Variants in AFF3 observed in about 807,000 individuals in gnomAD.
The protein encoded by AFF3 is AF4/FMR2 family member 3.
In AFF3, 32 loss-of-function variants were observed where a neutral mutation model predicts 129.7. That is an observed-to-expected ratio of 0.25 (90% CI 0.19 to 0.33). AFF3 has a LOEUF of 0.33. Ranked by LOEUF, AFF3 falls within the 10% of genes least tolerant of loss-of-function variation. AFF3 has a pLI of 1.00. For missense variants in AFF3, 1,373 were observed against 1,592.0 expected, an observed-to-expected ratio of 0.86 and a Z score of 2.34; for synonymous variants, 644 against 635.4, an observed-to-expected ratio of 1.01 and a Z score of -0.20.
chr2:100,096,500 A>G (rs1205030853), intron 4 of AFF3, among the ~76,000 whole-genome samples: 1 of 151,932 alleles, frequency 6.6e-6, no homozygotes, highest in East Asian at 1.9e-4. Flanking sequence ...GGTGTCCCCA[A>G]AACAGGGAGA....
intron 1 of AFF3, among the ~76,000 whole-genome samples, chr2:100,132,483 A>T (rs564149017): frequency 2.1e-4 from 32 of 152,366 alleles, no homozygotes; most frequent in African/African-American, 7.5e-4. Flanking sequence ...AAAGATCAAT[A>T]AGATATAATA....
In AFF3 at chr2:100,107,177, C is replaced by T. The variant is rs1691340494; in HGVS notation, c.-144-1594G>A. ...GAGAATGAGGACTTTTGAGGAAACC[C>T]AAATAGTAGTTGCAGATCCTGTTTT... On this transcript the variant is annotated intron_variant, in intron 2 of 24. Coordinates refer to ENST00000672756, the MANE Select transcript of AFF3 (RefSeq NM_001386135.1). 13 of 985,194 alleles carry T rather than the reference C, an allele frequency of 1.3e-5. No individual in the cohort carries two copies. The South Asian group carries it at 4.7e-4, about 36-fold the overall frequency. The allele number at this position is 985,194 out of a possible 1,614,324, so 61.0% of individuals were successfully genotyped here.
intron 7 of AFF3, among the ~76,000 whole-genome samples, chr2:99,962,106 C>A (rs950580430): frequency 1.3e-5 from 2 of 152,170 alleles, no homozygotes; most frequent in African/African-American, 4.8e-5. Context: ...CCAGGAAGCA[C>A]TCTTTATCCA....
intron 7 of AFF3, among the ~76,000 whole-genome samples, chr2:99,838,073 C>A (rs893792873): frequency 2.0e-5 from 3 of 152,174 alleles, no homozygotes; most frequent in African/African-American, 7.2e-5. Context: ...GCATGTGGGG[C>A]GTCACGCTCA....
At chr2:99,674,351 G>C (rs1687428148) in intron 11 of AFF3, among the ~76,000 whole-genome samples, 1 of 152,240 alleles carries the variant, frequency 6.6e-6, no homozygotes, top group African/African-American at 2.4e-5. Context: ...GAAGTGGGCT[G>C]TGTTTCCTTT....
intron 4 of AFF3, among the ~76,000 whole-genome samples, chr2:100,029,417 C>A (rs1445684359): frequency 1.3e-5 from 2 of 152,184 alleles, no homozygotes; most frequent in Admixed American, 6.5e-5. Context: ...TCATGGAATT[C>A]CAGCCTCCAG....
At chr2:100,011,230 C>CAT (rs1682515889) in intron 4 of AFF3, among the ~76,000 whole-genome samples, 1 of 152,092 alleles carries the variant, frequency 6.6e-6, no homozygotes. Context: ...GCCGAGATTG[C>CAT]GCCACTGCAC....
chr2:99,593,164 GC>G lies in AFF3; in HGVS notation c.2466+30del, dbSNP rs143390383. 10,086 of 1,527,082 alleles carry G rather than the reference GC, an allele frequency of 6.6e-3. 157 individuals are homozygous for G. Among genetic ancestry groups the G allele is most frequent in the African/African-American group, 0.051 (3,666 of 72,154 alleles). The allele number at this position is 1,527,082 out of a possible 1,614,324, so 94.6% of individuals were successfully genotyped here. ...TAAGAGATAGCCCCTTCCCCTCCAC[GC>G]CCCCGCACCCCAGTCAGCCCCAGGC... On this transcript the variant is annotated intron_variant, in intron 15 of 24. Transcript: ENST00000672756.
intron 7 of AFF3, among the ~76,000 whole-genome samples, chr2:100,003,107 G>C (rs10207023): frequency 0.029 from 4,246 of 147,554 alleles, 215 homozygotes; most frequent in African/African-American, 0.1. Flanking sequence ...GGAGTTGGGG[G>C]TCGGGGGGGT....
intron 12 of AFF3, among the ~76,000 whole-genome samples, chr2:99,663,443 T>C (rs1686416528): frequency 6.6e-6 from 1 of 152,258 alleles, no homozygotes; most frequent in African/African-American, 2.4e-5. Flanking sequence ...ACTATTACTC[T>C]ATGCATTATA....
At chr2:99,871,793 T>C (rs946516350) in intron 7 of AFF3, among the ~76,000 whole-genome samples, 4 of 152,190 alleles carry the variant, frequency 2.6e-5, no homozygotes, top group African/African-American at 9.6e-5. Context: ...GTTCACTACC[T>C]GGGTGATGGG....
chr2:99,896,690 CCGTGGCACGAT>C (rs1193132454), intron 7 of AFF3, among the ~76,000 whole-genome samples: 1 of 116,758 alleles, frequency 8.6e-6, no homozygotes, highest in Non-Finnish European at 1.6e-5. Context: ...GGCTGGAGTG[CCGTGGCACGAT>C]CTCGGCTCAC....
intron 7 of AFF3, among the ~76,000 whole-genome samples, chr2:99,881,160 G>A (rs1692683658): frequency 6.6e-6 from 1 of 152,090 alleles, no homozygotes; most frequent in South Asian, 2.1e-4. Flanking sequence ...GTCAAACTCT[G>A]AATTAAAATT....
intron 7 of AFF3, among the ~76,000 whole-genome samples, chr2:99,938,182 A>T (rs1330117470): frequency 6.6e-6 from 1 of 152,220 alleles, no homozygotes; most frequent in African/African-American, 2.4e-5. Context: ...CTCAGTGAAC[A>T]ATTACTGAGC....
At chr2:100,113,604 C>T (rs1413129196) in intron 2 of AFF3, among the ~76,000 whole-genome samples, 1 of 152,180 alleles carries the variant, frequency 6.6e-6, no homozygotes, top group Non-Finnish European at 1.5e-5. Flanking sequence ...ACGCCGTGTA[C>T]TATAACGTAT....
intron 2 of AFF3, chr2:100,109,996 C>G (rs2105525009): frequency 6.6e-6 from 1 of 152,336 alleles, no homozygotes; most frequent in East Asian, 1.9e-4. Flanking sequence ...GCCCTCTACC[C>G]CTCTCTGCAA....
intron 1 of AFF3, among the ~76,000 whole-genome samples, chr2:100,139,433 T>C (rs564090723): frequency 1.9e-3 from 288 of 152,272 alleles, no homozygotes; most frequent in Non-Finnish European, 3.6e-3. Flanking sequence ...TAAAGAAAAA[T>C]CTGTCAACAG....
At chr2:99,704,064 T>A (rs1456364754) in intron 11 of AFF3, among the ~76,000 whole-genome samples, 1 of 152,202 alleles carries the variant, frequency 6.6e-6, no homozygotes, top group Non-Finnish European at 1.5e-5. Flanking sequence ...CCTCCAGTTT[T>A]AAAATACAAT....
intron 4 of AFF3, among the ~76,000 whole-genome samples, chr2:100,092,892 A>G (rs1689973207): frequency 6.6e-6 from 1 of 151,104 alleles, no homozygotes; most frequent in Non-Finnish European, 1.5e-5. Context: ...TAGACTAATG[A>G]AATAATCTGT....
Sources: gnomAD v4.1 joint callset for allele counts (sites outside exome capture counted in the v4.1 genomes callset) on GRCh38, gnomAD v4.1.1 for gene constraint, MANE v1.5 for transcripts, NCBI Gene and HGNC (gene_info 2026-07-23, HGNC 2026-07-21) for gene names.